RDH12: variants seen among roughly 807,000 people sequenced by gnomAD.
RDH12 encodes the protein retinol dehydrogenase 12.
In RDH12, 21 loss-of-function variants were observed where a neutral mutation model predicts 34.0. The observed-to-expected ratio is 0.62, with a 90% CI of 0.44 to 0.89. The LOEUF is 0.89. Among genes scored for constraint, RDH12 ranks in the 40% least tolerant of loss-of-function variants. The pLI, the probability that RDH12 is intolerant of heterozygous loss-of-function variation, is 0.00. For synonymous variants in RDH12, 198 were observed against 169.9 expected (o/e 1.17, Z -1.29); for missense variants, 394 against 398.6 (o/e 0.99, Z 0.10).
intron 1 of RDH12, chr14:67,705,842 A>G (rs1406262238): frequency 6.6e-6 from 1 of 152,224 alleles, no homozygotes; most frequent in Non-Finnish European, 1.5e-5. Context: ...TTCCCTAGGG[A>G]AAATGATATT....
intron 7 of RDH12, among the ~76,000 whole-genome samples, chr14:67,728,525 G>A (rs1269462491): frequency 6.6e-6 from 1 of 152,094 alleles, no homozygotes; most frequent in Admixed American, 6.6e-5. Flanking sequence ...ATAACCTTAG[G>A]CAATTTACTT....
chr14:67,729,654 C>T (rs559222003), intron 8 of RDH12: 12 of 599,320 alleles, frequency 2.0e-5, no homozygotes, highest in African/African-American at 3.7e-5. Context: ...AGAAGACTGT[C>T]GCTGTTGGTT....
intron 5 of RDH12, 53 bp downstream of exon 5, chr14:67,725,307 T>G: frequency 6.3e-7 from 1 of 1,577,984 alleles, no homozygotes; most frequent in Non-Finnish European, 8.7e-7. Flanking sequence ...TGGGAGTGGC[T>G]GCTCCACCCT....
At position 67,722,530 on chromosome 14, in the gene RDH12, C is replaced by T. The variant is rs1165163648; in HGVS notation, c.-113C>T. The T allele has an allele frequency of 1.9e-5, 16 of 862,252 alleles. 1 individual carries two copies. The Middle Eastern group carries it at 1.2e-3, about 64-fold the overall frequency. The allele number at this position is 862,252 out of a possible 1,614,324, so 53.4% of individuals were successfully genotyped here. On this transcript the variant is annotated 5_prime_UTR_variant, in exon 3 of 9. Transcript: ENST00000551171. ...GCTCAGCACCCAGGACGGAGAGGAG[C>T]AGAGAAGCAGCAGAAGCAGCCAAGA...
intron 7 of RDH12, among the ~76,000 whole-genome samples, chr14:67,728,604 C>T (rs2140148846): frequency 6.6e-6 from 1 of 151,688 alleles, no homozygotes; most frequent in Non-Finnish European, 1.5e-5. Flanking sequence ...TTTTACAAGC[C>T]TCTTTAAGAA....
chr14:67,730,005 G>A (rs964045340), intron 8 of RDH12, among the ~76,000 whole-genome samples: 12 of 152,258 alleles, frequency 7.9e-5, no homozygotes, highest in African/African-American at 2.6e-4. Context: ...TATTTATTCC[G>A]TGAAGCACTG....
intron 1 of RDH12, among the ~76,000 whole-genome samples, chr14:67,715,815 C>T (rs1187790870): frequency 1.3e-5 from 2 of 152,194 alleles, no homozygotes; most frequent in African/African-American, 4.8e-5. Context: ...CTATTTATTG[C>T]ATGTCTGCTT....
At chr14:67,730,844 T>A (rs910159308) in intron 8 of RDH12, among the ~76,000 whole-genome samples, 5 of 152,168 alleles carry the variant, frequency 3.3e-5, no homozygotes, top group Non-Finnish European at 7.4e-5. Flanking sequence ...CGTCAGTTGA[T>A]CCACCTGCCT....
Position 67,733,772 on chromosome 14 carries a change from C to T in RDH12, c.875C>T (p.Pro292Leu), listed in dbSNP as rs1009304458. ...GACTGCAAGAGGACCTGGGTGTCTC[C>T]AAGGGCCCGAAATAACAAAACAGCT... ...FSDCKRTWVS[P>L]RARNNKTAER... is the part of the protein sequence containing the mutation. The change falls in exon 9 of 9, where the codon CCA (proline) becomes CTA (leucine). Residue 292 changes from proline to leucine, a missense_variant. Coordinates refer to ENST00000551171, the MANE Select transcript of RDH12 (RefSeq NM_152443.3). 1 of 1,613,248 alleles carries T rather than the reference C, an allele frequency of 6.2e-7. No homozygotes were observed. Among genetic ancestry groups the T allele is most frequent in the African/African-American group, 1.3e-5 (1 of 74,874 alleles).
At chr14:67,713,101 G>A (rs1187952772) in intron 1 of RDH12, among the ~76,000 whole-genome samples, 1 of 151,954 alleles carries the variant, frequency 6.6e-6, no homozygotes, top group African/African-American at 2.4e-5. Flanking sequence ...CAACTTATAT[G>A]ATCACTGAGC....
chr14:67,722,846 G>C (rs780254086), intron 3 of RDH12, 136 bp downstream of exon 3: 93 of 794,078 alleles, frequency 1.2e-4, no homozygotes, highest in East Asian at 5.2e-4. Context: ...AGGAAGGAAG[G>C]GGGTGTTGTG....
intron 1 of RDH12, among the ~76,000 whole-genome samples, chr14:67,716,196 C>G (rs1485229175): frequency 1.4e-3 from 155 of 108,728 alleles, no homozygotes; most frequent in African/African-American, 5.5e-3. Flanking sequence ...GACTCCGTCT[C>G]AAAAAAAAAA....
At chr14:67,712,090 T>C (rs1483782311) in intron 1 of RDH12, among the ~76,000 whole-genome samples, 1 of 152,148 alleles carries the variant, frequency 6.6e-6, no homozygotes, top group Non-Finnish European at 1.5e-5. Flanking sequence ...CAGCTAATTT[T>C]TGTATTTTTA....
At chr14:67,716,526 A>T (rs2038071290) in intron 1 of RDH12, among the ~76,000 whole-genome samples, 1 of 152,174 alleles carries the variant, frequency 6.6e-6, no homozygotes, top group South Asian at 2.1e-4. Flanking sequence ...GTTTGTGTGT[A>T]TGTCTGCATG....
chr14:67,719,434 G>A (rs1414940327), intron 1 of RDH12, among the ~76,000 whole-genome samples: 2 of 152,120 alleles, frequency 1.3e-5, no homozygotes, highest in East Asian at 3.8e-4. Flanking sequence ...AATGTGTCCT[G>A]CAGGTTATCA....
intron 1 of RDH12, among the ~76,000 whole-genome samples, chr14:67,716,875 C>T (rs2038074586): frequency 6.9e-6 from 1 of 144,578 alleles, no homozygotes; most frequent in South Asian, 2.2e-4. Flanking sequence ...CAGAGTGAGT[C>T]TCTGTCAAAA....
At position 67,726,149 on chromosome 14, in the gene RDH12, C is replaced by A. The variant is rs369821442; in HGVS notation, c.442C>A (p.His148Asn). The stretch of plus-strand genomic sequence containing the variant: ...CTTTGAAACCCACCTGGGAGTCAAC[C>A]ACCTGGGTAAGTATCTTTGGGTGAC... ...DGFETHLGVN[H>N]LGHFLLTYLL... Residue 148 changes from histidine (H) to asparagine (N), a missense_variant, in exon 6 of 9, where the codon CAC (histidine) becomes AAC (asparagine). Coordinates refer to ENST00000551171, the MANE Select transcript of RDH12 (RefSeq NM_152443.3). The A allele has an allele frequency of 1.3e-6, 2 of 1,598,808 alleles. No homozygotes were observed. Among genetic ancestry groups the A allele is most frequent in the African/African-American group, 1.3e-5 (1 of 74,718 alleles).
At chr14:67,717,398 G>A (rs77128937) in intron 1 of RDH12, among the ~76,000 whole-genome samples, 18,867 of 152,230 alleles carry the variant, frequency 0.12, 1,210 homozygotes, top group Admixed American at 0.15. Context: ...TCTAAGGACA[G>A]AAGGATTAGT....
At chr14:67,709,633 A>G (rs1169635098) in intron 1 of RDH12, among the ~76,000 whole-genome samples, 1 of 152,156 alleles carries the variant, frequency 6.6e-6, no homozygotes, top group African/African-American at 2.4e-5. Flanking sequence ...CTGGGCCTTG[A>G]GGAGTTTAAT....
Sources: gnomAD v4.1 joint callset for allele counts (sites outside exome capture counted in the v4.1 genomes callset) on GRCh38, gnomAD v4.1.1 for gene constraint, MANE v1.5 for transcripts, NCBI Gene and HGNC (gene_info 2026-07-23, HGNC 2026-07-21) for gene names.